Variants in RPS6KA4 observed in about 807,000 individuals in gnomAD.
RPS6KA4 encodes the protein ribosomal protein S6 kinase A4.
RPS6KA4 carries 38 observed loss-of-function variants against 89.6 expected under a neutral mutation model. The observed-to-expected ratio is 0.42, with a 90% CI of 0.33 to 0.56. RPS6KA4 has a LOEUF of 0.56. Among genes scored for constraint, RPS6KA4 ranks in the 20% least tolerant of loss-of-function variants. The pLI is 0.07. For missense variants in RPS6KA4, 873 were observed against 1,098.8 expected (o/e 0.79, Z 2.90); for synonymous variants, 495 against 492.8 (o/e 1.00, Z -0.06).
At chr11:64,362,492 C>T (rs1241512252) in intron 8 of RPS6KA4, among the ~76,000 whole-genome samples, 1 of 152,230 alleles carries the variant, frequency 6.6e-6, no homozygotes, top group Middle Eastern at 3.2e-3. Context: ...TGGGTGTTTG[C>T]TCACTTGTTA....
In RPS6KA4 at chr11:64,364,142, CT is replaced by C. The variant is rs879867829; in HGVS notation, c.907-1146del. 9.7e-3 allele frequency among the ~76,000 whole-genome samples: 903 copies of C among 93,266 alleles called. 4 individuals carry two copies. Among genetic ancestry groups the C allele is most frequent in the African/African-American group, 0.028 (738 of 26,226 alleles). 61.2% of individuals were successfully genotyped at this position (93,266 alleles called of 152,430 possible). ...TTCAGGAATCCAAACTCTTCCTCTT[CT>C]TTTTTTTTTTTTAATTTTTTTTTTA... On this transcript the variant is annotated intron_variant, in intron 8 of 16. Coordinates refer to ENST00000334205, the MANE Select transcript of RPS6KA4 (RefSeq NM_003942.3).
chr11:64,361,882 C>G lies in RPS6KA4; in HGVS notation c.786C>G (p.Pro262=). ...RRILKCSPPF[P]PRIGPVAQDL... The stretch of plus-strand genomic sequence containing the variant: ...TCCTGAAGTGCTCCCCTCCCTTCCC[C>G]CCTCGGATCGGGCCCGTGGCGCAGG... Residue 262 remains proline (P), a synonymous_variant, in exon 8 of 17, where the codon CCC becomes CCG. Transcript: ENST00000334205. The surrounding 1 kb of genome is among the most constrained non-coding windows in gnomAD (Gnocchi z 4.7). The G allele has an allele frequency of 6.2e-7, 1 of 1,612,976 alleles. No homozygotes were observed. The highest frequency in any genetic ancestry group is 1.1e-5 in the South Asian group (1 of 91,078).
At chr11:64,364,906 A>ATTTTTT (rs35498968) in intron 8 of RPS6KA4, among the ~76,000 whole-genome samples, 2 of 132,492 alleles carry the variant, frequency 1.5e-5, no homozygotes. Flanking sequence ...CGCCCAGCTA[A>ATTTTTT]TTTTTTTTTT....
chr11:64,363,492 T>G (rs2036806324), intron 8 of RPS6KA4, among the ~76,000 whole-genome samples: 1 of 152,096 alleles, frequency 6.6e-6, no homozygotes, highest in Admixed American at 6.6e-5. Context: ...TTCTGTCTTT[T>G]CTTTTTCTTT....
In RPS6KA4 at chr11:64,368,452, T is replaced by C. The variant is rs546315887; in HGVS notation, c.1201-16T>C. ...TGACGCGCCGCCTTCGCCTTCGCCT[T>C]CGCCTTCGCCTCCAGGACTCGCCCT... On this transcript the variant is annotated splice_polypyrimidine_tract_variant and intron_variant, in intron 10 of 16. Transcript: ENST00000334205. 6.5e-7 allele frequency: 1 copy of C among 1,547,164 alleles called. No individual in the cohort carries two copies. Among genetic ancestry groups the C allele is most frequent in the Admixed American group, 2.0e-5 (1 of 50,130 alleles).
At chr11:64,368,877 G>A in intron 12 of RPS6KA4, 80 bp downstream of exon 12, 1 of 1,312,930 alleles carries the variant, frequency 7.6e-7, no homozygotes, top group East Asian at 2.5e-5. Context: ...CGGGATCTAG[G>A]GGTGAATTGG....
At position 64,371,809 on chromosome 11, in the gene RPS6KA4, T is replaced by A; in HGVS notation, c.*329T>A. On this transcript the variant is annotated 3_prime_UTR_variant, in exon 17 of 17. Transcript: ENST00000334205. ...CCCTCCCCCACTTCTAAGCACTGAG[T>A]TAGGAGTGCTAACTCCTAAACTGGG... 1 of 238,932 alleles carries A rather than the reference T, an allele frequency of 4.2e-6. No homozygotes were observed. Among genetic ancestry groups the A allele is most frequent in the Non-Finnish European group, 8.1e-6 (1 of 123,968 alleles). 14.8% of individuals were successfully genotyped at this position (238,932 alleles called of 1,614,324 possible). A position where few individuals can be genotyped will look rare whatever the true frequency, so the allele number is the denominator to read the frequency against.
rs1183849913 is a variant in RPS6KA4 at position 64,368,229 on chromosome 11, G to A, written c.1169G>A (p.Arg390Gln). Residue 390 changes from arginine to glutamine, a missense_variant, in exon 10 of 17, where the codon CGG becomes CAG. Coordinates refer to ENST00000334205, the MANE Select transcript of RPS6KA4 (RefSeq NM_003942.3). ...EAPGAGDRPG[R>Q]AAVARSAMMQ... ...CCTGGTGCTGGAGACCGGCCAGGTC[G>A]GGCAGCGGTGGCCAGGAGCGCTATG... 2 of 1,613,522 alleles carry A rather than the reference G, an allele frequency of 1.2e-6. No homozygotes were observed. The highest frequency in any genetic ancestry group is 2.2e-5 in the East Asian group (1 of 44,880).
chr11:64,361,163 G>A lies in RPS6KA4; in HGVS notation c.492G>A (p.Leu164=), dbSNP rs952941421. 4 of 1,613,278 alleles carry A rather than the reference G, an allele frequency of 2.5e-6. No individual in the cohort carries two copies. In the African/African-American group the frequency reaches 4.0e-5, roughly 16 times the overall value. ...GCATCATTTACCGAGACCTGAAACT[G>A]GAGAATGTGCTGCTGGACTCCGAGG... ...KLGIIYRDLK[L]ENVLLDSEGH... Residue 164 remains leucine (L), a synonymous_variant, in exon 5 of 17, where the codon CTG becomes CTA. Transcript: ENST00000334205. The surrounding 1 kb of genome is among the most constrained non-coding windows in gnomAD (Gnocchi z 4.7).
chr11:64,365,362 G>A lies in RPS6KA4; in HGVS notation c.968G>A (p.Arg323His), dbSNP rs752611628. The change falls in exon 9 of 17, where the codon CGC becomes CAC. Residue 323 changes from arginine (R) to histidine (H), a missense_variant. Physicochemically the swap from Arg to His is conservative, Grantham distance 29. This residue lies in a region of RPS6KA4 where 542 missense variants were observed against 736.4 expected (regional missense o/e 0.74). Coordinates refer to ENST00000334205, the MANE Select transcript of RPS6KA4 (RefSeq NM_003942.3). ...KIPAPFRPQI[R>H]SELDVGNFAE... ...CCAGCCCCATTCCGGCCCCAAATCC[G>A]CTCAGAGCTGGATGTGGGCAACTTT... The A allele has an allele frequency of 8.7e-6, 14 of 1,614,018 alleles. No individual in the cohort carries two copies. Among genetic ancestry groups the A allele is most frequent in the Admixed American group, 1.7e-5 (1 of 60,018 alleles).
intron 12 of RPS6KA4, 149 bp from the exon 13 acceptor site, chr11:64,369,297 T>G: frequency 2.3e-6 from 1 of 434,034 alleles, no homozygotes; most frequent in Non-Finnish European, 3.4e-6. Flanking sequence ...TCCAAAAAAG[T>G]AACAAAGAAA....
Position 64,359,454 on chromosome 11 carries a change from G to C in RPS6KA4, c.127+5G>C. ...TCAAGGTGCTGGGCACGGGAGGTGA[G>C]GACCCCCATCCACCGGGCAGGCGTC... On this transcript the variant is annotated splice_donor_5th_base_variant and intron_variant, in intron 2 of 16. Coordinates refer to ENST00000334205, the MANE Select transcript of RPS6KA4 (RefSeq NM_003942.3). 1 of 1,613,358 alleles carries C rather than the reference G, an allele frequency of 6.2e-7. No homozygotes were observed. The highest frequency in any genetic ancestry group is 8.5e-7 in the Non-Finnish European group (1 of 1,179,686).
chr11:64,369,629 C>G lies in RPS6KA4; in HGVS notation c.1602+10C>G, dbSNP rs752513321. On this transcript the variant is annotated intron_variant, in intron 13 of 16. Coordinates refer to ENST00000334205, the MANE Select transcript of RPS6KA4 (RefSeq NM_003942.3). ...CGACCTCAAGCCGGAGGTGGGCGAG[C>G]TGCCTCGGCGGCGGGGCGGAGCGGT... 1 of 1,602,282 alleles carries G rather than the reference C, an allele frequency of 6.2e-7. No individual in the cohort carries two copies. The highest frequency in any genetic ancestry group is 1.3e-5 in the African/African-American group (1 of 74,592).
chr11:64,367,360 G>C (rs1374052890), intron 9 of RPS6KA4, among the ~76,000 whole-genome samples: 2 of 152,114 alleles, frequency 1.3e-5, no homozygotes, highest in African/African-American at 4.8e-5. Context: ...GCCCAGGCTA[G>C]AGTGCAATGG....
chr11:64,371,563 G>T lies in RPS6KA4; in HGVS notation c.*83G>T. 1.6e-6 allele frequency: 1 copy of T among 621,418 alleles called. No homozygotes were observed. The highest frequency in any genetic ancestry group is 1.9e-5 in the South Asian group (1 of 51,954). The allele number at this position is 621,418 out of a possible 1,614,324, so 38.5% of individuals were successfully genotyped here. On this transcript the variant is annotated 3_prime_UTR_variant, in exon 17 of 17. Coordinates refer to ENST00000334205, the MANE Select transcript of RPS6KA4 (RefSeq NM_003942.3). The stretch of plus-strand genomic sequence containing the variant: ...CTCCCGGAGGCCTCTGCCTGCGGCT[G>T]ACCTGATCCCCAAGGGACTGTCCTT...
At chr11:64,360,685 T>A in intron 4 of RPS6KA4, 93 bp downstream of exon 4, 1 of 1,075,278 alleles carries the variant, frequency 9.3e-7, no homozygotes, top group Non-Finnish European at 1.4e-6. Context: ...GGCTTCCCCC[T>A]GGGCTTCCTG....
chr11:64,365,284 T>C lies in RPS6KA4; in HGVS notation c.907-17T>C, dbSNP rs747914900. 1.1e-5 allele frequency: 18 copies of C among 1,609,278 alleles called. No homozygotes were observed. In the East Asian group the frequency reaches 2.7e-4, roughly 24 times the overall value. ...TTCCTGGCCTTTGACACCTGACCTC[T>C]GATTCCCTTCCCTCAGGGCCTCGAT... On this transcript the variant is annotated splice_polypyrimidine_tract_variant and intron_variant, in intron 8 of 16. Coordinates refer to ENST00000334205, the MANE Select transcript of RPS6KA4 (RefSeq NM_003942.3).
chr11:64,365,506 G>T, intron 9 of RPS6KA4, 41 bp downstream of exon 9: 1 of 1,608,516 alleles, frequency 6.2e-7, no homozygotes, highest in Non-Finnish European at 8.5e-7. Context: ...GGAGAGATGA[G>T]ATGTTGCTGT....
rs1439628355 is a variant in RPS6KA4, at chr11:64,361,259, C to G, written c.570+18C>G. The G allele has an allele frequency of 6.3e-7, 1 of 1,597,108 alleles. No individual in the cohort carries two copies. Among genetic ancestry groups the G allele is most frequent in the Non-Finnish European group, 8.6e-7 (1 of 1,165,918 alleles). On this transcript the variant is annotated intron_variant, in intron 5 of 16. Coordinates refer to ENST00000334205, the MANE Select transcript of RPS6KA4 (RefSeq NM_003942.3). This position sits in a 1 kb window ranked among gnomAD's most constrained non-coding sequence, Gnocchi z 4.7. Reference sequence around the variant, plus strand: ...CGGAGGAGGTGAGTGGAGGCCACCTCTGCCTGCAGTGCCCCATTCAATCCT... The same window carrying G: ...CGGAGGAGGTGAGTGGAGGCCACCTGTGCCTGCAGTGCCCCATTCAATCCT...
Sources: gnomAD v4.1 joint callset for allele counts (sites outside exome capture counted in the v4.1 genomes callset) on GRCh38, gnomAD v4.1.1 for gene constraint, gnomAD v4.1.1 regional missense constraint, Gnocchi (gnomAD v3.1) non-coding constraint, MANE v1.5 for transcripts, NCBI Gene and HGNC (gene_info 2026-07-23, HGNC 2026-07-21) for gene names.